Variants in GABRA5 observed in about 807,000 individuals in gnomAD.
The protein encoded by GABRA5 is gamma-aminobutyric acid type A receptor subunit alpha5.
GABRA5 carries 18 observed loss-of-function variants against 47.3 expected under a neutral mutation model. The observed-to-expected ratio is 0.38, with a 90% CI of 0.26 to 0.56. The LOEUF is 0.56. Ranked by LOEUF, GABRA5 falls within the 20% of genes least tolerant of loss-of-function variation. The pLI, the probability that GABRA5 is intolerant of heterozygous loss-of-function variation, is 0.71. For missense variants in GABRA5, 365 were observed against 599.3 expected (o/e 0.61, Z 4.08); for synonymous variants, 237 against 229.3 (o/e 1.03, Z -0.30).
intron 3 of GABRA5, among the ~76,000 whole-genome samples, chr15:26,870,430 C>G (rs2140240886): frequency 6.6e-6 from 1 of 152,322 alleles, no homozygotes; most frequent in East Asian, 1.9e-4. Context: ...CAAGCCTGAG[C>G]CATCAGCTGA....
intron 10 of GABRA5, among the ~76,000 whole-genome samples, chr15:26,944,352 C>T (rs1894461158): frequency 6.6e-6 from 1 of 152,190 alleles, no homozygotes; most frequent in Admixed American, 6.5e-5. Flanking sequence ...GGCCTGACCT[C>T]GCCTGTTGGG....
Position 26,883,025 on chromosome 15 carries a change from C to G in GABRA5, c.209-141C>G. 3 of 731,948 alleles carry G rather than the reference C, an allele frequency of 4.1e-6. No individual in the cohort carries two copies. The highest frequency in any genetic ancestry group is 2.9e-5 in the South Asian group (2 of 68,464). The allele number at this position is 731,948 out of a possible 1,614,324, so 45.3% of individuals were successfully genotyped here. The stretch of plus-strand genomic sequence containing the variant: ...CAGCTCGATTTCATCTGGTAATTGT[C>G]AAGTCCTCCAAATTTACCAAACGCA... On this transcript the variant is annotated intron_variant, in intron 4 of 10. Coordinates refer to ENST00000335625, the MANE Select transcript of GABRA5 (RefSeq NM_000810.4). The surrounding 1 kb of genome is among the most constrained non-coding windows in gnomAD (Gnocchi z 4.8).
chr15:26,946,433 G>T (rs1303754462), intron 10 of GABRA5, among the ~76,000 whole-genome samples: 3 of 144,846 alleles, frequency 2.1e-5, no homozygotes, highest in African/African-American at 5.1e-5. Flanking sequence ...CAATTTATCT[G>T]TTTTTTTTTT....
chr15:26,937,239 C>T lies in GABRA5; in HGVS notation c.635C>T (p.Ser212Leu), dbSNP rs1894265474. ...VYVWTNGSTK[S>L]VVVAEDGSRL... Reference sequence around the variant, plus strand: ...GTCTGGACCAACGGCTCCACCAAGTCGGTGGTGGTGGCGGAAGATGGCTCC... The same window carrying T: ...GTCTGGACCAACGGCTCCACCAAGTTGGTGGTGGTGGCGGAAGATGGCTCC... Residue 212 changes from serine to leucine, a missense_variant, in exon 8 of 11, where the codon TCG (serine) becomes TTG (leucine). Coordinates refer to ENST00000335625, the MANE Select transcript of GABRA5 (RefSeq NM_000810.4). 2.5e-6 allele frequency: 4 copies of T among 1,613,864 alleles called. No individual in the cohort carries two copies. Among genetic ancestry groups the T allele is most frequent in the African/African-American group, 1.3e-5 (1 of 75,062 alleles).
chr15:26,947,525 C>T (rs996950301), intron 10 of GABRA5, among the ~76,000 whole-genome samples: 1 of 152,168 alleles, frequency 6.6e-6, no homozygotes, highest in African/African-American at 2.4e-5. Flanking sequence ...CTGCAAAAGA[C>T]AGGATCTCAT....
At chr15:26,939,419 C>T (rs978624675) in intron 8 of GABRA5, 1 of 765,174 alleles carries the variant, frequency 1.3e-6, no homozygotes, top group Non-Finnish European at 2.4e-6. Context: ...GGACCCAGAG[C>T]CTCCTGAGCT....
chr15:26,895,761 C>G (rs1245563406), intron 6 of GABRA5, among the ~76,000 whole-genome samples: 1 of 147,730 alleles, frequency 6.8e-6, no homozygotes, highest in East Asian at 2.0e-4. Context: ...TGCAGAGAGC[C>G]AAGATGGCGC....
In GABRA5 at chr15:26,941,033, G is replaced by A. The variant is rs184854947; in HGVS notation, c.877+956G>A. On this transcript the variant is annotated intron_variant, in intron 9 of 10. Coordinates refer to ENST00000335625, the MANE Select transcript of GABRA5 (RefSeq NM_000810.4). ...ATATTAGCGTGCATTTTATCTTAATGCTCCCCCAGGGTGTAGGCTGATCAA... is the reference window on the plus strand; with the variant it reads ...ATATTAGCGTGCATTTTATCTTAATACTCCCCCAGGGTGTAGGCTGATCAA... Among the ~76,000 whole-genome samples the A allele has an allele frequency of 1.7e-3, 255 of 152,328 alleles. 1 individual carries two copies. Among genetic ancestry groups the A allele is most frequent in the African/African-American group, 5.9e-3 (246 of 41,568 alleles).
At chr15:26,897,312 A>G (rs950211186) in intron 6 of GABRA5, among the ~76,000 whole-genome samples, 1 of 152,144 alleles carries the variant, frequency 6.6e-6, no homozygotes, top group Admixed American at 6.5e-5. Flanking sequence ...ATCCTTATAC[A>G]ATGAGGAGAA....
chr15:26,912,113 G>C (rs549663673), intron 6 of GABRA5, among the ~76,000 whole-genome samples: 13 of 152,248 alleles, frequency 8.5e-5, no homozygotes, highest in East Asian at 5.8e-4. Flanking sequence ...TACAGCCAAG[G>C]CCACAGGCGA....
chr15:26,889,578 A>G (rs531476908), intron 6 of GABRA5, among the ~76,000 whole-genome samples: 1 of 152,334 alleles, frequency 6.6e-6, no homozygotes, highest in East Asian at 1.9e-4. Context: ...GGATACATAC[A>G]TATCTGGAAG....
rs1387517807 is a variant in GABRA5 at position 26,923,973 on chromosome 15, C to T, written c.580+9088C>T. On this transcript the variant is annotated intron_variant, in intron 7 of 10. Coordinates refer to ENST00000335625, the MANE Select transcript of GABRA5 (RefSeq NM_000810.4). ...TTTCAGTTTTTTAAAAGTTTGTTAC[C>T]AGCATGTTTGTACTTGGTCGTTGCA... Among the ~76,000 whole-genome samples, 3 of 151,876 alleles carry T rather than the reference C, an allele frequency of 2.0e-5. No homozygotes were observed. The South Asian group carries it at 6.2e-4, about 32-fold the overall frequency.
intron 6 of GABRA5, among the ~76,000 whole-genome samples, chr15:26,895,670 G>A (rs1025656712): frequency 5.3e-5 from 8 of 151,924 alleles, no homozygotes; most frequent in African/African-American, 1.9e-4. Flanking sequence ...AAAAGTAGCC[G>A]GGCATGGTGG....
intron 9 of GABRA5, among the ~76,000 whole-genome samples, chr15:26,941,699 C>G (rs937448146): frequency 1.3e-5 from 2 of 152,130 alleles, no homozygotes; most frequent in African/African-American, 4.8e-5. Context: ...GCAGGGCTGG[C>G]TCCTCCTGAG....
Position 26,868,141 on chromosome 15 carries a change from C to G in GABRA5, c.-139-588C>G, listed in dbSNP as rs1211369837. On this transcript the variant is annotated intron_variant, in intron 1 of 10. Coordinates refer to ENST00000335625, the MANE Select transcript of GABRA5 (RefSeq NM_000810.4). ...GTCCGGAGGGTCGTGGGAGCGCAGCCTCTCCTGGGGGTCCCTGGCTCGGGG... is the reference window on the plus strand; with the variant it reads ...GTCCGGAGGGTCGTGGGAGCGCAGCGTCTCCTGGGGGTCCCTGGCTCGGGG... 7 of 152,100 alleles carry G rather than the reference C, an allele frequency of 4.6e-5. No homozygotes were observed. The East Asian group carries it at 1.4e-3, about 30-fold the overall frequency. The allele number at this position is 152,100 out of a possible 1,614,324, so 9.4% of individuals were successfully genotyped here.
chr15:26,932,536 C>A (rs1172137014), intron 7 of GABRA5, among the ~76,000 whole-genome samples: 1 of 152,198 alleles, frequency 6.6e-6, no homozygotes, highest in Non-Finnish European at 1.5e-5. Context: ...ATTAGTTCAA[C>A]CATTGTGAAA....
rs1892774776 is a variant in GABRA5, at chr15:26,883,094, CTGAGAGCACGAGA to C, written c.209-71_209-59del. ...GCAGAGGGTGACCCTGGTTACTGGACTGAGAGCACGAGAGTGTGCCAGACGCGCAGGGTGGGTC... is the reference window on the plus strand; with the variant it reads ...GCAGAGGGTGACCCTGGTTACTGGACGTGTGCCAGACGCGCAGGGTGGGTC... On this transcript the variant is annotated intron_variant, in intron 4 of 10. Transcript: ENST00000335625. This position sits in a 1 kb window ranked among gnomAD's most constrained non-coding sequence, Gnocchi z 4.8. 1 of 1,257,330 alleles carries C rather than the reference CTGAGAGCACGAGA, an allele frequency of 8.0e-7. No homozygotes were observed. Among genetic ancestry groups the C allele is most frequent in the Non-Finnish European group, 1.2e-6 (1 of 854,644 alleles). The allele number at this position is 1,257,330 out of a possible 1,614,324, so 77.9% of individuals were successfully genotyped here.
intron 7 of GABRA5, among the ~76,000 whole-genome samples, chr15:26,930,903 T>C (rs1322316962): frequency 6.9e-6 from 1 of 145,344 alleles, no homozygotes; most frequent in Non-Finnish European, 1.5e-5. Flanking sequence ...TTCTTTTTTT[T>C]TTTTTTTTTT....
At chr15:26,918,467 G>A (rs1483527678) in intron 7 of GABRA5, among the ~76,000 whole-genome samples, 1 of 152,146 alleles carries the variant, frequency 6.6e-6, no homozygotes, top group Admixed American at 6.5e-5. Context: ...AATGTTTTAT[G>A]TATGTCTGGT....
Sources: allele counts gnomAD v4.1 joint callset (sites outside exome capture counted in the v4.1 genomes callset), GRCh38; gene constraint gnomAD v4.1.1; non-coding constraint Gnocchi (gnomAD v3.1); transcripts MANE v1.5; gene names NCBI Gene and HGNC (gene_info 2026-07-23, HGNC 2026-07-21).